Variants in CACNA2D4 observed in about 807,000 individuals in gnomAD.
CACNA2D4 encodes the protein voltage-dependent calcium channel subunit alpha-2/delta-4.
A neutral mutation model predicts 163.8 loss-of-function variants in CACNA2D4; 157 were observed. That is an observed-to-expected ratio of 0.96 (90% CI 0.84 to 1.09). CACNA2D4 has a LOEUF of 1.09. Ranked by LOEUF, CACNA2D4 falls within the 50% of genes least tolerant of loss-of-function variation. The probability of loss-of-function intolerance (pLI) is 0.00; values close to 1 mark genes in which losing one functional copy is unlikely to be tolerated. For synonymous variants in CACNA2D4, 598 were observed against 586.9 expected, an observed-to-expected ratio of 1.02 and a Z score of -0.27; for missense variants, 1,410 against 1,479.9, an observed-to-expected ratio of 0.95 and a Z score of 0.78.
rs750115751 is a variant in CACNA2D4, at chr12:1,886,239, A to G, written c.977T>C (p.Phe326Ser). The change falls in exon 8 of 38, where the codon TTC becomes TCC. Residue 326 changes from phenylalanine to serine, a missense_variant. Coordinates refer to ENST00000382722, the MANE Select transcript of CACNA2D4 (RefSeq NM_172364.5). ...CACATTTACCGCTATGATATTAATG[A>G]AGTCATTCTCCCCCAGGGTGTCCAA... ...TILDTLGEND[F>S]INIIAYNDYV... 19 of 1,613,118 alleles carry G rather than the reference A, an allele frequency of 1.2e-5. No homozygotes were observed. In the Admixed American group the frequency reaches 1.5e-4, roughly 13 times the overall value.
In CACNA2D4 at chr12:1,834,268, G is replaced by A. The variant is rs1428094778; in HGVS notation, c.2551+6471C>T. The A allele has an allele frequency of 6.4e-7, 1 of 1,563,722 alleles. No individual in the cohort carries two copies. Among genetic ancestry groups the A allele is most frequent in the South Asian group, 1.2e-5 (1 of 83,218 alleles). On this transcript the variant is annotated intron_variant, in intron 26 of 37. Transcript: ENST00000382722. The surrounding 1 kb of genome is among the most constrained non-coding windows in gnomAD (Gnocchi z 7.6). ...CCTCTTTTTCTCTTCTGCATGTAGG[G>A]GGACGCTTGGACCAGCTTGCCTGCA...
At chr12:1,801,275 A>G (rs1162618974) in intron 30 of CACNA2D4, among the ~76,000 whole-genome samples, 157 bp from the exon 31 acceptor site, 2 of 152,128 alleles carry the variant, frequency 1.3e-5, no homozygotes, top group Non-Finnish European at 2.9e-5. Context: ...TGAAAATTAC[A>G]TTTCTGCACT....
intron 27 of CACNA2D4, 84 bp downstream of exon 27, chr12:1,811,578 C>T: frequency 2.2e-6 from 3 of 1,356,492 alleles, no homozygotes; most frequent in Non-Finnish European, 3.1e-6. Flanking sequence ...GGCAGTGGAG[C>T]ATCCAAGGGG....
At position 1,799,994 on chromosome 12, in the gene CACNA2D4, A is replaced by G. The variant is rs752382702; in HGVS notation, c.2974+6T>C. On this transcript the variant is annotated splice_donor_region_variant and intron_variant, in intron 33 of 37. Transcript: ENST00000382722. The surrounding 1 kb of genome is among the most constrained non-coding windows in gnomAD (Gnocchi z 4.7). Reference sequence around the variant, plus strand: ...AGCACATGGCCCTGCAGCTCCGTGCACTCACCCTCGGCCCCTCTGTCGTAC... The same window carrying G: ...AGCACATGGCCCTGCAGCTCCGTGCGCTCACCCTCGGCCCCTCTGTCGTAC... The G allele has an allele frequency of 1.9e-5, 31 of 1,601,540 alleles. No homozygotes were observed. The highest frequency in any genetic ancestry group is 2.6e-5 in the Non-Finnish European group (30 of 1,174,390).
intron 6 of CACNA2D4, among the ~76,000 whole-genome samples, chr12:1,900,379 C>T (rs978022702): frequency 6.6e-6 from 1 of 152,186 alleles, no homozygotes; most frequent in African/African-American, 2.4e-5. Context: ...AAGCAATCCT[C>T]CTGACTTGAC....
rs750406282 is a variant in CACNA2D4 at position 1,918,294 on chromosome 12, G to T, written c.180C>A (p.Gly60=). 1.2e-5 allele frequency: 19 copies of T among 1,610,416 alleles called. No homozygotes were observed. Among genetic ancestry groups the T allele is most frequent in the Non-Finnish European group, 1.5e-5 (18 of 1,178,486 alleles). ...TSALLWLLLL[G]TSLSPAWGQA... Reference sequence around the variant, plus strand: ...GTCCCCACGCAGGGGACAGGGAGGTGCCTAGAAGCAGCAGCCACAGGAGGG... The same window carrying T: ...GTCCCCACGCAGGGGACAGGGAGGTTCCTAGAAGCAGCAGCCACAGGAGGG... The change falls in exon 1 of 38, where the codon GGC becomes GGA. Residue 60 remains glycine (G), a synonymous_variant. Transcript: ENST00000382722.
chr12:1,816,869 C>T (rs570812661), intron 26 of CACNA2D4, among the ~76,000 whole-genome samples: 85 of 152,328 alleles, frequency 5.6e-4, no homozygotes, highest in Non-Finnish European at 2.4e-4. Context: ...CATACGCACA[C>T]ACTTGCACAC....
intron 6 of CACNA2D4, among the ~76,000 whole-genome samples, chr12:1,900,610 G>A (rs1456320991): frequency 1.3e-5 from 2 of 152,176 alleles, no homozygotes; most frequent in African/African-American, 2.4e-5. Context: ...TTCCTTGAAT[G>A]TCATTAGATA....
rs988821839 is a variant in CACNA2D4, at chr12:1,879,010, C to T, written c.1590G>A (p.Val530=). The T allele has an allele frequency of 3.1e-6, 5 of 1,613,752 alleles. No homozygotes were observed. Among genetic ancestry groups the T allele is most frequent in the Non-Finnish European group, 4.2e-6 (5 of 1,179,844 alleles). ...CTCTCAGGGCCACATCTGAGCCCAC[C>T]ACACCCAGGAGAATGCCATGGGATC... is the stretch of plus-strand genomic sequence containing the variant. ...ETRSHGILLG[V]VGSDVALREL... Residue 530 remains valine, a synonymous_variant, in exon 15 of 38, where the codon GTG becomes GTA. Transcript: ENST00000382722.
chr12:1,916,700 G>A (rs1305543695), intron 1 of CACNA2D4, among the ~76,000 whole-genome samples: 1 of 152,216 alleles, frequency 6.6e-6, no homozygotes, highest in African/African-American at 2.4e-5. Context: ...CAAGCAACAG[G>A]GTCTGGGGTG....
At chr12:1,866,456 T>C (rs951236571) in intron 18 of CACNA2D4, among the ~76,000 whole-genome samples, 8 of 152,220 alleles carry the variant, frequency 5.3e-5, no homozygotes, top group Non-Finnish European at 1.0e-4. Flanking sequence ...TAAAATATAG[T>C]CTTTTATTAA....
chr12:1,813,963 T>C (rs1443247680), intron 26 of CACNA2D4, among the ~76,000 whole-genome samples: 1 of 152,176 alleles, frequency 6.6e-6, no homozygotes, highest in African/African-American at 2.4e-5. Flanking sequence ...TTCTTTTCCC[T>C]TATAAGACCA....
In CACNA2D4 at chr12:1,793,702, G is replaced by C. The variant is rs776654456; in HGVS notation, c.3367C>G (p.Leu1123Val). The change falls in exon 38 of 38, where the codon CTG (leucine) becomes GTG (valine). Residue 1123 changes from leucine to valine, a missense_variant. Coordinates refer to ENST00000382722, the MANE Select transcript of CACNA2D4 (RefSeq NM_172364.5). ...AGCCCCCAGGCACACACAGGCAGCA[G>C]GAGTAGGGGCGGCGAGGCTGAGGTG... Reference protein sequence around the residue: ...SDTSASPPLLLLPVCAWGLLP... With the variant: ...SDTSASPPLLVLPVCAWGLLP... 4 of 1,613,754 alleles carry C rather than the reference G, an allele frequency of 2.5e-6. No individual in the cohort carries two copies. Among genetic ancestry groups the C allele is most frequent in the Non-Finnish European group, 8.5e-7 (1 of 1,179,904 alleles).
chr12:1,801,350 C>T (rs150124114), intron 30 of CACNA2D4, among the ~76,000 whole-genome samples: 15 of 152,334 alleles, frequency 9.8e-5, no homozygotes, highest in African/African-American at 2.9e-4. Context: ...GGTTTTCCCT[C>T]TAGGGTCTGA....
chr12:1,875,222 C>G lies in CACNA2D4; in HGVS notation c.1806+29G>C. ...TTAGTTGGATGTAGAGCCTAACTAG[C>G]TTCCCTTCCCCCTATTTTCCCCACT... On this transcript the variant is annotated intron_variant, in intron 17 of 37. Coordinates refer to ENST00000382722, the MANE Select transcript of CACNA2D4 (RefSeq NM_172364.5). This position sits in a 1 kb window ranked among gnomAD's most constrained non-coding sequence, Gnocchi z 4.0. 28 of 1,518,464 alleles carry G rather than the reference C, an allele frequency of 1.8e-5. No individual in the cohort carries two copies. The highest frequency in any genetic ancestry group is 2.7e-5 in the African/African-American group (2 of 73,112). The allele number at this position is 1,518,464 out of a possible 1,614,324, so 94.1% of individuals were successfully genotyped here. A position where few individuals can be genotyped will look rare whatever the true frequency, so the allele number is the denominator to read the frequency against.
chr12:1,877,718 C>T (rs1231431660), intron 16 of CACNA2D4, among the ~76,000 whole-genome samples: 1 of 152,182 alleles, frequency 6.6e-6, no homozygotes, highest in South Asian at 2.1e-4. Flanking sequence ...TAGCTCCCGC[C>T]GTCCCAACAG....
chr12:1,834,698 A>C lies in CACNA2D4; in HGVS notation c.2551+6041T>G, dbSNP rs761944010. ...CCCCGAGGGCGAGCACGAGGACCAG[A>C]AGCAGATCTCTTCTGTGGCCTGAGC... On this transcript the variant is annotated intron_variant, in intron 26 of 37. Transcript: ENST00000382722. The surrounding 1 kb of genome is among the most constrained non-coding windows in gnomAD (Gnocchi z 7.6). 6.2e-7 allele frequency: 1 copy of C among 1,601,008 alleles called. No homozygotes were observed.
chr12:1,837,011 T>C (rs917955148), intron 26 of CACNA2D4, among the ~76,000 whole-genome samples: 2 of 152,176 alleles, frequency 1.3e-5, no homozygotes, highest in Admixed American at 1.3e-4. Context: ...GGATGGTACA[T>C]CCACCCTGGC....
chr12:1,870,488 T>G (rs2154449046), intron 18 of CACNA2D4, among the ~76,000 whole-genome samples: 1 of 151,806 alleles, frequency 6.6e-6, no homozygotes, highest in South Asian at 2.1e-4. Flanking sequence ...TTCTAGCTGT[T>G]GCGCTCCAGA....
Sources: gnomAD v4.1 joint callset for allele counts (sites outside exome capture counted in the v4.1 genomes callset) on GRCh38, gnomAD v4.1.1 for gene constraint, Gnocchi (gnomAD v3.1) non-coding constraint, MANE v1.5 for transcripts, NCBI Gene and HGNC (gene_info 2026-07-23, HGNC 2026-07-21) for gene names.